MIDEAS: variants seen among roughly 807,000 people sequenced by gnomAD.
The protein encoded by MIDEAS is mitotic deacetylase associated SANT domain protein.
A neutral mutation model predicts 102.7 loss-of-function variants in MIDEAS; 26 were observed. That is an observed-to-expected ratio of 0.25 (90% confidence interval 0.19 to 0.35). The LOEUF is 0.35. Among genes scored for constraint, MIDEAS ranks in the 10% least tolerant of loss-of-function variants. MIDEAS has a pLI of 1.00. For synonymous variants in MIDEAS, 585 were observed against 591.0 expected (o/e 0.99, Z 0.15); for missense variants, 1,231 against 1,435.6 (o/e 0.86, Z 2.30).
intron 1 of MIDEAS, among the ~76,000 whole-genome samples, chr14:73,784,514 G>C (rs1477144069): frequency 1.3e-5 from 2 of 152,192 alleles, no homozygotes; most frequent in Non-Finnish European, 2.9e-5. Flanking sequence ...CACTCTGGAG[G>C]GCTTTTGGGG....
chr14:73,731,216 G>A (rs552544900), intron 3 of MIDEAS, among the ~76,000 whole-genome samples: 172 of 152,314 alleles, frequency 1.1e-3, no homozygotes, highest in Middle Eastern at 6.8e-3. Context: ...TACAGGGTGA[G>A]CAGCACCCAG....
chr14:73,761,843 C>G (rs1247079837), upstream of MIDEAS, among the ~76,000 whole-genome samples: 2 of 152,130 alleles, frequency 1.3e-5, no homozygotes, highest in Non-Finnish European at 2.9e-5. Flanking sequence ...GTGAATTGCA[C>G]CAGGTCACAG....
Position 73,716,033 on chromosome 14 carries a change from G to A in MIDEAS, c.*2810C>T, listed in dbSNP as rs188061175. ...CAGATGGATGCTGGGAGATGGATAT[G>A]GTGAGATGGTGTGGGGAGGATGTTA... On this transcript the variant is annotated 3_prime_UTR_variant, in exon 13 of 13. Transcript: ENST00000423556. The A allele has an allele frequency of 1.2e-4, 18 of 152,460 alleles. No individual in the cohort carries two copies. The highest frequency in any genetic ancestry group is 3.9e-4 in the African/African-American group (16 of 41,502). The allele number at this position is 152,460 out of a possible 1,614,324, so 9.4% of individuals were successfully genotyped here.
chr14:73,756,580 C>T (rs563372846), intron 1 of MIDEAS, among the ~76,000 whole-genome samples: 1 of 152,358 alleles, frequency 6.6e-6, no homozygotes, highest in East Asian at 1.9e-4. Context: ...CGGCCACTGG[C>T]TCTGCTTCCT....
At chr14:73,729,546 C>A (rs925972687) in intron 4 of MIDEAS, 94 bp downstream of exon 4, 22 of 1,036,230 alleles carry the variant, frequency 2.1e-5, no homozygotes, top group Non-Finnish European at 3.1e-5. Flanking sequence ...CAGAGTGTTC[C>A]AGCCCAATCC....
intron 1 of MIDEAS, among the ~76,000 whole-genome samples, chr14:73,740,501 C>T (rs545789934): frequency 6.6e-6 from 1 of 152,354 alleles, no homozygotes; most frequent in Admixed American, 6.5e-5. Flanking sequence ...CACCACCTCA[C>T]CCTCCTGGTT....
chr14:73,739,321 A>C lies in MIDEAS; in HGVS notation c.688T>G (p.Phe230Val). The change falls in exon 2 of 13, where the codon TTC becomes GTC. Residue 230 changes from phenylalanine (F) to valine (V), a missense_variant. Phe to Val is a conservative substitution (Grantham distance 50). Coordinates refer to ENST00000423556, the MANE Select transcript of MIDEAS (RefSeq NM_001367710.1). ...TTTGGGGGCGGTGGGCCCTGCCGGA[A>C]GACCTGCCGGTTCACCTGGTGGCCG... is the stretch of plus-strand genomic sequence containing the variant. ...AFGHQVNRQV[F>V]RQGPPPPNPV... is the part of the protein sequence containing the mutation. 1 of 1,609,490 alleles carries C rather than the reference A, an allele frequency of 6.2e-7. No individual in the cohort carries two copies. Among genetic ancestry groups the C allele is most frequent in the Non-Finnish European group, 8.5e-7 (1 of 1,177,924 alleles).
chr14:73,719,598 T>C (rs962385770), intron 11 of MIDEAS, 97 bp from the exon 12 acceptor site: 1 of 1,253,446 alleles, frequency 8.0e-7, no homozygotes, highest in African/African-American at 1.5e-5. Context: ...AAGTCATATA[T>C]ATTCCTGCCA....
Position 73,718,645 on chromosome 14 carries a change from G to A in MIDEAS, c.*198C>T. On this transcript the variant is annotated 3_prime_UTR_variant, in exon 13 of 13. Transcript: ENST00000423556. ...GACAGACCAAATGCAAAGAGAGCTG[G>A]ATCCTGGAGCCCTTAACGCTGCTCC... The A allele has an allele frequency of 2.1e-6, 1 of 475,354 alleles. No individual in the cohort carries two copies. The highest frequency in any genetic ancestry group is 3.4e-6 in the Non-Finnish European group (1 of 293,852). The allele number at this position is 475,354 out of a possible 1,614,324, so 29.4% of individuals were successfully genotyped here.
chr14:73,761,308 C>G (rs996166646), upstream of MIDEAS, among the ~76,000 whole-genome samples: 1 of 152,156 alleles, frequency 6.6e-6, no homozygotes, highest in Admixed American at 6.5e-5. Context: ...CTCACTGGGC[C>G]TACAGGGCCA....
intron 12 of MIDEAS, 48 bp downstream of exon 12, chr14:73,719,257 C>T (rs750148509): frequency 1.3e-5 from 21 of 1,573,466 alleles, no homozygotes; most frequent in Non-Finnish European, 1.8e-5. Context: ...GCCCCCTCCG[C>T]GCACCAGCCC....
intron 1 of MIDEAS, among the ~76,000 whole-genome samples, chr14:73,747,908 G>A (rs2053373833): frequency 6.6e-6 from 1 of 152,130 alleles, no homozygotes. Flanking sequence ...GAGCCCTGAG[G>A]GGACTCTGCT....
chr14:73,779,571 T>TATA (rs35332223), intron 1 of MIDEAS, among the ~76,000 whole-genome samples: 110 of 102,608 alleles, frequency 1.1e-3, no homozygotes, highest in South Asian at 3.7e-3. Context: ...ATTATTATTA[T>TATA]TATTTTTTTT....
chr14:73,727,059 G>C (rs1166763051), intron 5 of MIDEAS, 87 bp from the exon 6 acceptor site: 2 of 1,496,400 alleles, frequency 1.3e-6, no homozygotes, highest in African/African-American at 2.8e-5. Flanking sequence ...AGAAGATGAG[G>C]GGGAGCCGGC....
At chr14:73,760,604 A>C (rs2140157557), upstream of MIDEAS, among the ~76,000 whole-genome samples, 1 of 152,340 alleles carries the variant, frequency 6.6e-6, no homozygotes. This position sits in a 1 kb window ranked among gnomAD's most constrained non-coding sequence, Gnocchi z 4.8. Context: ...GATGCTGGGG[A>C]AGGCACAAGT....
intron 1 of MIDEAS, among the ~76,000 whole-genome samples, chr14:73,757,384 G>A (rs78638262): frequency 0.01 from 1,527 of 150,572 alleles, 28 homozygotes; most frequent in African/African-American, 0.036. Context: ...AGCATTTTAC[G>A]TATACTAACT....
At chr14:73,769,945 G>T (rs970834192) in intron 1 of MIDEAS, among the ~76,000 whole-genome samples, 188 of 135,744 alleles carry the variant, frequency 1.4e-3, no homozygotes, top group African/African-American at 5.2e-3. Flanking sequence ...CGGGTATATT[G>T]TAGGTGTATA....
rs2052936181 is a variant in MIDEAS, at chr14:73,718,818, G to C, written c.*25C>G. 7.1e-7 allele frequency: 1 copy of C among 1,408,974 alleles called. No individual in the cohort carries two copies. The highest frequency in any genetic ancestry group is 3.3e-5 in the Admixed American group (1 of 30,350). The allele number at this position is 1,408,974 out of a possible 1,614,324, so 87.3% of individuals were successfully genotyped here. On this transcript the variant is annotated 3_prime_UTR_variant, in exon 13 of 13. Coordinates refer to ENST00000423556, the MANE Select transcript of MIDEAS (RefSeq NM_001367710.1). Reference sequence around the variant, plus strand: ...CGGTGCGGGAAGGGCCGAGGCCCAGGACTGGGCCAGCCTGGCTCCCGCGCT... The same window carrying C: ...CGGTGCGGGAAGGGCCGAGGCCCAGCACTGGGCCAGCCTGGCTCCCGCGCT...
At position 73,739,163 on chromosome 14, in the gene MIDEAS, C is replaced by T. The variant is rs776371633; in HGVS notation, c.846G>A (p.Ser282=). Residue 282 remains serine, a synonymous_variant, in exon 2 of 13, where the codon TCG becomes TCA. Transcript: ENST00000423556. ...GCAGGCCAAAGTCCTGGGGTTGCTG[C>T]GAGGGTTGCTGCGGCATGGAATAGA... ...ENFYSMPQQP[S]QQPQDFGLQP... 3.1e-6 allele frequency: 5 copies of T among 1,613,790 alleles called. No homozygotes were observed. Among genetic ancestry groups the T allele is most frequent in the South Asian group, 1.1e-5 (1 of 91,058 alleles).
Sources: gnomAD v4.1 joint callset for allele counts (sites outside exome capture counted in the v4.1 genomes callset) on GRCh38, gnomAD v4.1.1 for gene constraint, Gnocchi (gnomAD v3.1) non-coding constraint, MANE v1.5 for transcripts, NCBI Gene and HGNC (gene_info 2026-07-23, HGNC 2026-07-21) for gene names.